The following DCUN1D1 variants were observed in gnomAD, a reference collection of about 807,000 sequenced individuals.
The protein encoded by DCUN1D1 is DCN1-like protein 1.
Under a neutral mutation model 39.0 loss-of-function variants are expected in DCUN1D1, and 3 were observed. The ratio of observed to expected loss-of-function variants is 0.08; its 90% CI spans 0.04 to 0.20. The LOEUF (loss-of-function observed/expected upper bound fraction) is 0.20, where lower values mean the gene tolerates loss of function less well. DCUN1D1 is among the 10% of genes least tolerant of loss of function. The pLI is 1.00. For missense variants in DCUN1D1, 158 were observed against 302.4 expected, an observed-to-expected ratio of 0.52 and a Z score of 3.54; for synonymous variants, 82 against 96.3, an observed-to-expected ratio of 0.85 and a Z score of 0.87.
chr3:182,961,061 G>T (rs73066915), intron 4 of DCUN1D1, among the ~76,000 whole-genome samples, 165 bp downstream of exon 4: 2 of 152,256 alleles, frequency 1.3e-5, no homozygotes, highest in African/African-American at 4.8e-5. Flanking sequence ...TACTCAATGT[G>T]CATGGTATTT....
At chr3:182,978,220 T>C (rs942092306) in intron 1 of DCUN1D1, among the ~76,000 whole-genome samples, 2 of 148,554 alleles carry the variant, frequency 1.3e-5, no homozygotes, top group Admixed American at 6.7e-5. Flanking sequence ...GACAATAACA[T>C]GTGCTCTGGA....
At chr3:182,957,266 T>G (rs766331536) in intron 4 of DCUN1D1, among the ~76,000 whole-genome samples, 1 of 152,168 alleles carries the variant, frequency 6.6e-6, no homozygotes, top group East Asian at 1.9e-4. Context: ...GGATGCTACT[T>G]TGGGTAGGTT....
At position 182,938,442 on chromosome 3, in the gene DCUN1D1, A is replaced by C. The variant is rs1355392341; in HGVS notation, c.*6652T>G. ...ACTGTTAACAGTTAAGTCTAACAAC[A>C]GAATTGTGGTTTTATTTAACAGTCC... On this transcript the variant is annotated 3_prime_UTR_variant, in exon 7 of 7. Transcript: ENST00000292782. 2 of 152,174 alleles carry C rather than the reference A, an allele frequency of 1.3e-5. No homozygotes were observed. The highest frequency in any genetic ancestry group is 2.4e-5 in the African/African-American group (1 of 41,452). 9.4% of individuals were successfully genotyped at this position (152,174 alleles called of 1,614,324 possible).
intron 4 of DCUN1D1, chr3:182,956,342 G>A (rs781748692): frequency 1.2e-4 from 29 of 236,612 alleles, no homozygotes; most frequent in Non-Finnish European, 2.0e-4. Flanking sequence ...CTGGGAGCAG[G>A]CAAAAGCCAC....
At position 182,961,230 on chromosome 3, in the gene DCUN1D1, T is replaced by A. The variant is rs751573642; in HGVS notation, c.516A>T (p.Gly172=). 4.0e-6 allele frequency: 6 copies of A among 1,517,772 alleles called. No homozygotes were observed. The East Asian group carries it at 1.4e-4, about 35-fold the overall frequency. The allele number at this position is 1,517,772 out of a possible 1,614,324, so 94.0% of individuals were successfully genotyped here. ...ATAATTTTTAAAAATTCTTACCTAA[T>A]CCTTTTTGTCCTGGATTCTTTGCAA... ...FNFAKNPGQK[G]LDLEMAIAYW... is the part of the protein sequence containing the mutation. The change falls in exon 4 of 7, where the codon GGA becomes GGT. Residue 172 remains glycine (G), a synonymous_variant. Transcript: ENST00000292782.
intron 1 of DCUN1D1, among the ~76,000 whole-genome samples, chr3:182,975,322 G>A (rs942613659): frequency 4.6e-5 from 7 of 151,718 alleles, no homozygotes; most frequent in Admixed American, 2.0e-4. Context: ...GACTACAGGC[G>A]CCTGCTACCA....
chr3:182,982,924 G>A (rs947021846), upstream of DCUN1D1, among the ~76,000 whole-genome samples: 3 of 152,218 alleles, frequency 2.0e-5, no homozygotes, highest in East Asian at 1.9e-4. Context: ...GATCACAGGC[G>A]TGAGCCACCG....
At chr3:182,979,962 C>G (rs1258064787) in intron 1 of DCUN1D1, 1 of 158,254 alleles carries the variant, frequency 6.3e-6, no homozygotes, top group Non-Finnish European at 1.4e-5. Flanking sequence ...GGGAGACTTG[C>G]GGGGTATTGG....
At chr3:182,954,992 T>A in intron 4 of DCUN1D1, among the ~76,000 whole-genome samples, 1 of 152,204 alleles carries the variant, frequency 6.6e-6, no homozygotes. Context: ...TTTCACAGTA[T>A]CTTTTGTGAA....
chr3:182,979,324 T>C (rs1728396982), intron 1 of DCUN1D1, among the ~76,000 whole-genome samples: 1 of 152,014 alleles, frequency 6.6e-6, no homozygotes, highest in Non-Finnish European at 1.5e-5. Flanking sequence ...TCAGCAAAAA[T>C]AAGACCAACT....
rs200252908 is a variant in DCUN1D1 at position 182,944,559 on chromosome 3, G to GA, written c.*534dup. On this transcript the variant is annotated 3_prime_UTR_variant, in exon 7 of 7. Coordinates refer to ENST00000292782, the MANE Select transcript of DCUN1D1 (RefSeq NM_020640.4). ...ATCAACAACACATGTGATTTGCCAG[G>GA]AAAAAAAAAAAATTCCCCCCAAACC... 722 of 144,228 alleles carry GA rather than the reference G, an allele frequency of 5.0e-3. 8 individuals carry two copies. Among genetic ancestry groups the GA allele is most frequent in the African/African-American group, 0.017 (672 of 39,306 alleles). 8.9% of individuals were successfully genotyped at this position (144,228 alleles called of 1,614,324 possible). A position where few individuals can be genotyped will look rare whatever the true frequency, so the allele number is the denominator to read the frequency against.
chr3:182,940,815 A>G lies in DCUN1D1; in HGVS notation c.*4279T>C, dbSNP rs1045177405. 1.3e-5 allele frequency: 2 copies of G among 152,224 alleles called. No individual in the cohort carries two copies. The highest frequency in any genetic ancestry group is 6.5e-5 in the Admixed American group (1 of 15,268). The allele number at this position is 152,224 out of a possible 1,614,324, so 9.4% of individuals were successfully genotyped here. On this transcript the variant is annotated 3_prime_UTR_variant, in exon 7 of 7. Transcript: ENST00000292782. ...AAACAATCATGAAGCACTTGTAAGT[A>G]AATAGAAAATTGGGCTATACTTAAA...
intron 1 of DCUN1D1, among the ~76,000 whole-genome samples, chr3:182,973,038 G>A (rs1441566483): frequency 3.3e-5 from 5 of 150,658 alleles, no homozygotes; most frequent in Admixed American, 1.3e-4. Context: ...GCGAAACTCC[G>A]TCTCAAAAAA....
intron 4 of DCUN1D1, among the ~76,000 whole-genome samples, chr3:182,954,965 T>C (rs1340473296): frequency 6.6e-6 from 1 of 152,250 alleles, no homozygotes; most frequent in Non-Finnish European, 1.5e-5. Flanking sequence ...AAGGTTTTTC[T>C]GATTTCCTCA....
intron 3 of DCUN1D1, among the ~76,000 whole-genome samples, chr3:182,962,929 T>C (rs1033326975): frequency 1.3e-5 from 2 of 152,110 alleles, no homozygotes; most frequent in African/African-American, 4.8e-5. Context: ...TACAGGCATG[T>C]GCCACTATGC....
rs889036746 is a variant in DCUN1D1 at position 182,941,163 on chromosome 3, T to C, written c.*3931A>G. 5 of 152,004 alleles carry C rather than the reference T, an allele frequency of 3.3e-5. No homozygotes were observed. The highest frequency in any genetic ancestry group is 1.3e-4 in the Admixed American group (2 of 15,274). 9.4% of individuals were successfully genotyped at this position (152,004 alleles called of 1,614,324 possible). A position where few individuals can be genotyped will look rare whatever the true frequency, so the allele number is the denominator to read the frequency against. ...TAAAATCATTTATGTAACTATATTA[T>C]GAGTTTGAAAAAACAGCACTATTTG... On this transcript the variant is annotated 3_prime_UTR_variant, in exon 7 of 7. Transcript: ENST00000292782.
intron 1 of DCUN1D1, among the ~76,000 whole-genome samples, chr3:182,978,469 C>T (rs1728355925): frequency 6.6e-6 from 1 of 152,152 alleles, no homozygotes; most frequent in Non-Finnish European, 1.5e-5. Context: ...CTCAACCTCC[C>T]AGCTCAAGTA....
At chr3:182,962,866 C>T (rs754321155) in intron 3 of DCUN1D1, among the ~76,000 whole-genome samples, 5 of 152,076 alleles carry the variant, frequency 3.3e-5, no homozygotes, top group African/African-American at 7.2e-5. Flanking sequence ...CCACAACCTC[C>T]GCCTCCCGGG....
intron 1 of DCUN1D1, among the ~76,000 whole-genome samples, chr3:182,972,286 A>G (rs574733060): frequency 3.3e-5 from 5 of 152,152 alleles, no homozygotes; most frequent in Non-Finnish European, 2.9e-5. Flanking sequence ...AAACTCAGAG[A>G]AAATACAAAT....
Sources: gnomAD v4.1 joint callset for allele counts (sites outside exome capture counted in the v4.1 genomes callset) on GRCh38, gnomAD v4.1.1 for gene constraint, MANE v1.5 for transcripts, NCBI Gene and HGNC (gene_info 2026-07-23, HGNC 2026-07-21) for gene names.